The following ERCC6L2 variants were observed in gnomAD, a reference collection of about 807,000 sequenced individuals.
ERCC6L2 encodes ERCC excision repair 6 like 2, also known as DNA excision repair protein ERCC-6-like 2.
ERCC6L2 carries 77 observed loss-of-function variants against 132.0 expected under a neutral mutation model. That is an observed-to-expected ratio of 0.58 (90% CI 0.49 to 0.71). The LOEUF (loss-of-function observed/expected upper bound fraction) is 0.71. Ranked by LOEUF, ERCC6L2 falls within the 30% of genes least tolerant of loss-of-function variation. The probability of loss-of-function intolerance (pLI) is 0.00; values close to 1 mark genes in which losing one functional copy is unlikely to be tolerated. For missense variants in ERCC6L2, 1,542 were observed against 1,837.6 expected (o/e 0.84, Z 2.94); for synonymous variants, 583 against 632.4 (o/e 0.92, Z 1.17).
chr9:95,878,369 G>C (rs1827401217), intron 1 of ERCC6L2, among the ~76,000 whole-genome samples: 1 of 152,172 alleles, frequency 6.6e-6, no homozygotes, highest in Admixed American at 6.5e-5. Flanking sequence ...ATTCATTTTT[G>C]AAGTAGAACC....
In ERCC6L2 at chr9:95,914,446, C is replaced by T. The variant is rs548038138; in HGVS notation, c.789-1222C>T. Among the ~76,000 whole-genome samples the T allele has an allele frequency of 1.3e-4, 20 of 152,192 alleles. No individual in the cohort carries two copies. The South Asian group carries it at 2.7e-3, about 21-fold the overall frequency. Reference sequence around the variant, plus strand: ...TGGGCTCACTACAACCTCTGACTCCCTGGTTCAAGTGATTCTCCTGCCTCA... The same window carrying T: ...TGGGCTCACTACAACCTCTGACTCCTTGGTTCAAGTGATTCTCCTGCCTCA... On this transcript the variant is annotated intron_variant, in intron 4 of 18. Coordinates refer to ENST00000653738, the MANE Select transcript of ERCC6L2 (RefSeq NM_020207.7).
downstream of ERCC6L2, chr9:96,021,108 C>G (rs959236128): frequency 4.3e-5 from 18 of 420,352 alleles, no homozygotes; most frequent in East Asian, 1.3e-3. This position sits in a 1 kb window ranked among gnomAD's most constrained non-coding sequence, Gnocchi z 4.7. Context: ...CCCCTCGCGC[C>G]CATTACTCTC....
At chr9:95,913,457 GCCCGCTTGCTTGCTTTCTCT>G (rs1247242267) in intron 4 of ERCC6L2, among the ~76,000 whole-genome samples, 1 of 151,958 alleles carries the variant, frequency 6.6e-6, no homozygotes, top group Non-Finnish European at 1.5e-5. Flanking sequence ...CCGCTTGCTT[GCCCGCTTGCTTGCTTTCTCT>G]CTTTCTCTCT....
At chr9:95,993,747 C>A (rs898703499) in intron 17 of ERCC6L2, among the ~76,000 whole-genome samples, 1 of 152,094 alleles carries the variant, frequency 6.6e-6, no homozygotes, top group Non-Finnish European at 1.5e-5. Context: ...AAGCAAAGCA[C>A]TATTGAAAAA....
At chr9:95,954,851 T>G (rs921248825) in intron 12 of ERCC6L2, 2 of 471,118 alleles carry the variant, frequency 4.2e-6, no homozygotes, top group Non-Finnish European at 8.8e-6. Flanking sequence ...GAGCCTCCAT[T>G]TCCTGCTGGA....
chr9:95,901,513 C>T (rs886313833), intron 3 of ERCC6L2, among the ~76,000 whole-genome samples: 1 of 152,104 alleles, frequency 6.6e-6, no homozygotes, highest in Non-Finnish European at 1.5e-5. Context: ...TTTCCAACTA[C>T]CTTAGCTGTT....
At chr9:95,905,416 G>C (rs1828983527) in intron 3 of ERCC6L2, among the ~76,000 whole-genome samples, 1 of 152,168 alleles carries the variant, frequency 6.6e-6, no homozygotes, top group Non-Finnish European at 1.5e-5. Flanking sequence ...TCTTAGGGCT[G>C]ATGCCAGGAC....
chr9:95,938,009 G>C (rs1278735822), intron 11 of ERCC6L2, among the ~76,000 whole-genome samples: 13 of 150,762 alleles, frequency 8.6e-5, no homozygotes. Context: ...ATTTTCATTT[G>C]TGTTACATTA....
chr9:95,941,078 C>A (rs1221731739), intron 11 of ERCC6L2, among the ~76,000 whole-genome samples: 3 of 152,054 alleles, frequency 2.0e-5, no homozygotes, highest in African/African-American at 4.8e-5. Context: ...ATAAGATGTG[C>A]ATCTATTCCT....
In ERCC6L2 at chr9:96,013,001, A is replaced by C; in HGVS notation, c.4451A>C (p.Glu1484Ala). Residue 1484 changes from glutamate to alanine, a missense_variant, in exon 19 of 19, where the codon GAG becomes GCG. Physicochemically the swap from Glu to Ala is moderately radical, Grantham distance 107 (BLOSUM62 -1). This residue lies in a region of ERCC6L2 where 442 missense variants were observed against 583.4 expected (regional missense o/e 0.76). Transcript: ENST00000653738. ...RPKDFWDILN[E>A]QNDESLSKLT... ...AAAGATTTCTGGGACATCTTGAATG[A>C]GCAGAATGATGAGAGTCTTAGTAAA... 7.3e-7 allele frequency: 1 copy of C among 1,367,596 alleles called. No homozygotes were observed. The highest frequency in any genetic ancestry group is 9.8e-7 in the Non-Finnish European group (1 of 1,021,802). 84.7% of individuals were successfully genotyped at this position (1,367,596 alleles called of 1,614,324 possible). A position where few individuals can be genotyped will look rare whatever the true frequency, so the allele number is the denominator to read the frequency against.
At chr9:96,018,462 TG>T (rs1834228692), downstream of ERCC6L2, among the ~76,000 whole-genome samples, 1 of 139,754 alleles carries the variant, frequency 7.2e-6, no homozygotes, top group Non-Finnish European at 1.6e-5. Context: ...CACATAGCAT[TG>T]TTTTTCTTTT....
intron 13 of ERCC6L2, among the ~76,000 whole-genome samples, chr9:95,964,467 G>T (rs1436549630): frequency 6.6e-6 from 1 of 152,092 alleles, no homozygotes; most frequent in African/African-American, 2.4e-5. Context: ...GTAATCACAA[G>T]GGATTTTTTA....
chr9:96,036,741 AATT>A (rs376440816), intron 19 of ERCC6L2, among the ~76,000 whole-genome samples: 220 of 142,998 alleles, frequency 1.5e-3, no homozygotes, highest in African/African-American at 4.5e-3. Flanking sequence ...CATTTTTTTA[AATT>A]ATTATTATTA....
At chr9:95,905,431 T>C (rs544307679) in intron 3 of ERCC6L2, among the ~76,000 whole-genome samples, 1 of 152,342 alleles carries the variant, frequency 6.6e-6, no homozygotes, top group South Asian at 2.1e-4. Context: ...CAGGACTCTT[T>C]AGATTCATTG....
At chr9:95,954,068 G>A (rs573608703) in intron 12 of ERCC6L2, among the ~76,000 whole-genome samples, 1 of 152,214 alleles carries the variant, frequency 6.6e-6, no homozygotes, top group African/African-American at 2.4e-5. Flanking sequence ...TATGTGATAG[G>A]CACTATTATA....
rs896584985 is a variant in ERCC6L2, at chr9:95,899,612, G to A, written c.594+1641G>A. Among the ~76,000 whole-genome samples, 37 of 135,966 alleles carry A rather than the reference G, an allele frequency of 2.7e-4. 1 individual carries two copies. The highest frequency in any genetic ancestry group is 9.2e-4 in the African/African-American group (33 of 35,758). 89.2% of individuals were successfully genotyped at this position (135,966 alleles called of 152,430 possible). On this transcript the variant is annotated intron_variant, in intron 3 of 18. Coordinates refer to ENST00000653738, the MANE Select transcript of ERCC6L2 (RefSeq NM_020207.7). The stretch of plus-strand genomic sequence containing the variant: ...TCTTTATATATATATGTGTGTGTGT[G>A]TGTGTGTGTGTGTGTGTGTGCGTAT...
chr9:95,906,628 G>A, intron 3 of ERCC6L2: 1 of 456,450 alleles, frequency 2.2e-6, no homozygotes, highest in South Asian at 1.6e-5. Context: ...CTGAAAGAGG[G>A]GGAGCGGAAA....
In ERCC6L2 at chr9:95,972,925, G is replaced by A. The variant is rs1249866068; in HGVS notation, c.3174G>A (p.Gln1058=). 7.7e-7 allele frequency: 1 copy of A among 1,306,640 alleles called. No individual in the cohort carries two copies. Among genetic ancestry groups the A allele is most frequent in the African/African-American group, 1.5e-5 (1 of 66,012 alleles). The allele number at this position is 1,306,640 out of a possible 1,614,324, so 80.9% of individuals were successfully genotyped here. A position where few individuals can be genotyped will look rare whatever the true frequency, so the allele number is the denominator to read the frequency against. The change falls in exon 16 of 19, where the codon CAG becomes CAA. Residue 1058 remains glutamine, a synonymous_variant. Transcript: ENST00000653738. ...LSVSHFSFSK[Q]SHRPRTIRDR... is the part of the protein sequence containing the mutation. ...TCAGCCACTTCAGTTTCTCTAAACA[G>A]AGCCACAGACCAAGAACTATAAGAG...
chr9:95,906,337 T>A (rs185901821), intron 3 of ERCC6L2, among the ~76,000 whole-genome samples: 7 of 152,246 alleles, frequency 4.6e-5, no homozygotes, highest in African/African-American at 9.6e-5. Flanking sequence ...ATAGGTGATG[T>A]GGTTCATTAA....
Sources: gnomAD v4.1 joint callset for allele counts (sites outside exome capture counted in the v4.1 genomes callset) on GRCh38, gnomAD v4.1.1 for gene constraint, gnomAD v4.1.1 regional missense constraint, Gnocchi (gnomAD v3.1) non-coding constraint, MANE v1.5 for transcripts, NCBI Gene and HGNC (gene_info 2026-07-23, HGNC 2026-07-21) for gene names.